Variants in MTMR1 observed in about 807,000 individuals in gnomAD.
MTMR1 encodes the protein myotubularin related protein 1, also known as phosphatidylinositol-3-phosphate phosphatase MTMR1.
In MTMR1, 17 loss-of-function variants were observed where a neutral mutation model predicts 51.6. The observed-to-expected ratio is 0.33, with a 90% CI of 0.23 to 0.49. The LOEUF (loss-of-function observed/expected upper bound fraction) is 0.49, where lower values mean the gene tolerates loss of function less well. Among genes scored for constraint, MTMR1 ranks in the 20% least tolerant of loss-of-function variants. The pLI is 0.99. For synonymous variants in MTMR1, 201 were observed against 205.6 expected (o/e 0.98, Z 0.19); for missense variants, 386 against 526.9 (o/e 0.73, Z 2.62).
rs1418977804 is a variant in MTMR1, at chrX:150,764,956, G to T, written c.*2227G>T. 2.7e-5 allele frequency: 3 copies of T among 112,298 alleles called. No homozygotes were observed. Among genetic ancestry groups the T allele is most frequent in the Non-Finnish European group, 3.8e-5 (2 of 53,297 alleles). 9.3% of individuals were successfully genotyped at this position (112,298 alleles called of 1,213,427 possible). ...TGGTCTTTTTTAAGTAAGTAAGTAAGTATCTTAGTAGATTTTTCCTTTGAG... is the reference window on the plus strand; with the variant it reads ...TGGTCTTTTTTAAGTAAGTAAGTAATTATCTTAGTAGATTTTTCCTTTGAG... On this transcript the variant is annotated 3_prime_UTR_variant, in exon 16 of 16. Coordinates refer to ENST00000445323, the MANE Select transcript of MTMR1 (RefSeq NM_001306144.3).
At position 150,698,674 on chromosome X, in the gene MTMR1, G is replaced by GCACACA. The variant is rs1264680068; in HGVS notation, c.147-520_147-519insACACAC. Among the ~76,000 whole-genome samples, 563 of 61,150 alleles carry GCACACA rather than the reference G, an allele frequency of 9.2e-3. 10 individuals are homozygous for GCACACA. The highest frequency in any genetic ancestry group is 0.018 in the Middle Eastern group (2 of 113). 53.1% of individuals were successfully genotyped at this position (61,150 alleles called of 115,157 possible). The stretch of plus-strand genomic sequence containing the variant: ...AAACATGGCAAAACCCTGTCTACAC[G>GCACACA]CGCGCGCACACACACACACACACAC... On this transcript the variant is annotated intron_variant, in intron 1 of 15. Coordinates refer to ENST00000445323, the MANE Select transcript of MTMR1 (RefSeq NM_001306144.3).
intron 15 of MTMR1, 52 bp from the exon 16 acceptor site, chrX:150,762,513 G>A (rs1412249794): frequency 5.5e-5 from 66 of 1,198,825 alleles, no homozygotes; most frequent in Middle Eastern, 4.8e-4. Flanking sequence ...ATGTGGAAAC[G>A]CTGTGGTAGG....
intron 14 of MTMR1, among the ~76,000 whole-genome samples, chrX:150,754,197 G>A (rs1557417678): frequency 8.9e-6 from 1 of 112,978 alleles, no homozygotes; most frequent in Non-Finnish European, 1.9e-5. Flanking sequence ...CTGTCCTTAC[G>A]CCAGCACTGC....
At chrX:150,733,393 ACTGT>A (rs1603257404) in intron 10 of MTMR1, among the ~76,000 whole-genome samples, 1 of 110,911 alleles carries the variant, frequency 9.0e-6, no homozygotes, top group Non-Finnish European at 1.9e-5. Context: ...GGCTTTAAAC[ACTGT>A]CTGTATGCTG....
chrX:150,760,086 C>G (rs1177840456), intron 15 of MTMR1, among the ~76,000 whole-genome samples: 1 of 109,254 alleles, frequency 9.2e-6, no homozygotes, highest in East Asian at 2.8e-4. Flanking sequence ...TGTGGTCCTG[C>G]TTTTTGCATT....
At chrX:150,706,950 T>C (rs2148566057) in intron 2 of MTMR1, among the ~76,000 whole-genome samples, 1 of 109,714 alleles carries the variant, frequency 9.1e-6, no homozygotes, top group Admixed American at 9.7e-5. Flanking sequence ...AGAAATATGC[T>C]CAGCCGATTT....
rs781937725 is a variant in MTMR1, at chrX:150,762,763, C to T, written c.*34C>T. The T allele has an allele frequency of 1.2e-5, 14 of 1,137,654 alleles. No homozygotes were observed. The highest frequency in any genetic ancestry group is 8.4e-5 in the Admixed American group (3 of 35,894). The allele number at this position is 1,137,654 out of a possible 1,213,427, so 93.8% of individuals were successfully genotyped here. ...GTCAGCCTGCTGCTCCACTGTCTCCCGGTGGCTCAGGAAAGGGACCTGGCG... is the reference window on the plus strand; with the variant it reads ...GTCAGCCTGCTGCTCCACTGTCTCCTGGTGGCTCAGGAAAGGGACCTGGCG... On this transcript the variant is annotated 3_prime_UTR_variant, in exon 16 of 16. Transcript: ENST00000445323.
intron 6 of MTMR1, 125 bp downstream of exon 6, chrX:150,727,916 G>A (rs972132658): frequency 5.0e-5 from 19 of 381,936 alleles, no homozygotes; most frequent in African/African-American, 4.1e-4. Context: ...AAATGTTTTC[G>A]GGATAGCAAC....
intron 15 of MTMR1, among the ~76,000 whole-genome samples, chrX:150,756,848 A>G (rs1354783051): frequency 9.1e-6 from 1 of 110,331 alleles, no homozygotes; most frequent in Non-Finnish European, 1.9e-5. Context: ...ACGGGATTTC[A>G]CCATGTTGGC....
intron 3 of MTMR1, 25 bp from the exon 4 acceptor site, chrX:150,718,600 T>C (rs1557416486): frequency 1.1e-6 from 1 of 914,623 alleles, no homozygotes; most frequent in Non-Finnish European, 1.4e-6. Context: ...TTTTTTTTTT[T>C]TTTTTTTTTT....
chrX:150,715,650 A>T (rs782732506), intron 3 of MTMR1, among the ~76,000 whole-genome samples: 1 of 112,175 alleles, frequency 8.9e-6, no homozygotes, highest in Non-Finnish European at 1.9e-5. Context: ...AAACAAAAAA[A>T]CCTCCAAGCT....
chrX:150,735,243 T>G (rs2042230545), intron 10 of MTMR1, among the ~76,000 whole-genome samples: 1 of 111,467 alleles, frequency 9.0e-6, no homozygotes, highest in Non-Finnish European at 1.9e-5. Context: ...GAGAATAAAT[T>G]TTATGTTGTT....
chrX:150,698,672 A>ACG lies in MTMR1; in HGVS notation c.147-515_147-514dup, dbSNP rs58742500. Reference sequence around the variant, plus strand: ...GGAAACATGGCAAAACCCTGTCTACACGCGCGCGCACACACACACACACAC... The same window carrying ACG: ...GGAAACATGGCAAAACCCTGTCTACACGCGCGCGCGCACACACACACACACAC... On this transcript the variant is annotated intron_variant, in intron 1 of 15. Coordinates refer to ENST00000445323, the MANE Select transcript of MTMR1 (RefSeq NM_001306144.3). Among the ~76,000 whole-genome samples the ACG allele has an allele frequency of 1.6e-3, 126 of 76,874 alleles. 1 individual carries two copies. The highest frequency in any genetic ancestry group is 0.011 in the South Asian group (13 of 1,228). The allele number at this position is 76,874 out of a possible 115,157, so 66.8% of individuals were successfully genotyped here.
intron 15 of MTMR1, among the ~76,000 whole-genome samples, chrX:150,762,054 T>C (rs1557418044): frequency 8.9e-6 from 1 of 112,750 alleles, no homozygotes; most frequent in Non-Finnish European, 1.9e-5. Flanking sequence ...TGGCAGATCC[T>C]GCTCCGGTTG....
intron 4 of MTMR1, chrX:150,727,001 A>G: frequency 7.2e-6 from 2 of 276,775 alleles, no homozygotes; most frequent in Middle Eastern, 1.0e-3. Flanking sequence ...TTAAAACCTC[A>G]TTAAGTAGCA....
Position 150,698,674 on chromosome X carries a change from G to GCACACACACA in MTMR1, c.147-520_147-519insACACACACAC, listed in dbSNP as rs1264680068. Among the ~76,000 whole-genome samples, 121 of 61,196 alleles carry GCACACACACA rather than the reference G, an allele frequency of 2.0e-3. 1 individual carries two copies. Among genetic ancestry groups the GCACACACACA allele is most frequent in the African/African-American group, 5.6e-3 (80 of 14,170 alleles). The allele number at this position is 61,196 out of a possible 115,157, so 53.1% of individuals were successfully genotyped here. The stretch of plus-strand genomic sequence containing the variant: ...AAACATGGCAAAACCCTGTCTACAC[G>GCACACACACA]CGCGCGCACACACACACACACACAC... On this transcript the variant is annotated intron_variant, in intron 1 of 15. Coordinates refer to ENST00000445323, the MANE Select transcript of MTMR1 (RefSeq NM_001306144.3).
At chrX:150,736,962 A>G (rs1557417191) in intron 11 of MTMR1, among the ~76,000 whole-genome samples, 182 bp downstream of exon 11, 2 of 112,047 alleles carry the variant, frequency 1.8e-5, no homozygotes, top group African/African-American at 6.5e-5. Flanking sequence ...GAAAAGGGAA[A>G]AATGCTTGCC....
At chrX:150,695,199 G>C (rs1408701374) in intron 1 of MTMR1, among the ~76,000 whole-genome samples, 1 of 112,088 alleles carries the variant, frequency 8.9e-6, no homozygotes, top group Non-Finnish European at 1.9e-5. Flanking sequence ...AGCAGGGAGG[G>C]AGCTAGGGAG....
intron 2 of MTMR1, among the ~76,000 whole-genome samples, chrX:150,709,723 C>T (rs868996205): frequency 1.8e-5 from 2 of 111,123 alleles, no homozygotes; most frequent in African/African-American, 3.3e-5. Flanking sequence ...AGCAAGGCAG[C>T]GGGAGGTGCC....
Sources: allele counts gnomAD v4.1 joint callset (sites outside exome capture counted in the v4.1 genomes callset), GRCh38; gene constraint gnomAD v4.1.1; transcripts MANE v1.5; gene names NCBI Gene and HGNC (gene_info 2026-07-23, HGNC 2026-07-21).